CTNNA3: variants seen among roughly 807,000 people sequenced by gnomAD.
CTNNA3 encodes catenin alpha 3, also known as catenin alpha-3.
A neutral mutation model predicts 95.7 loss-of-function variants in CTNNA3; 76 were observed. The observed-to-expected ratio is 0.79, with a 90% CI of 0.66 to 0.96. CTNNA3 has a LOEUF of 0.96. CTNNA3 is among the 40% of genes least tolerant of loss of function. CTNNA3 has a pLI of 0.00. For missense variants in CTNNA3, 1,191 were observed against 1,089.8 expected (o/e 1.09, Z -1.31); for synonymous variants, 431 against 374.4 (o/e 1.15, Z -1.74).
At chr10:66,617,932 G>C (rs1293571993) in intron 10 of CTNNA3, among the ~76,000 whole-genome samples, 3 of 151,490 alleles carry the variant, frequency 2.0e-5, no homozygotes, top group African/African-American at 7.3e-5. Flanking sequence ...CAAACAGAGA[G>C]CCAAATCATG....
At chr10:66,173,487 C>A (rs1442331534) in intron 13 of CTNNA3, among the ~76,000 whole-genome samples, 1 of 151,830 alleles carries the variant, frequency 6.6e-6, no homozygotes, top group African/African-American at 2.4e-5. Context: ...GAGTTTGAGA[C>A]CAGCCTGGGC....
At chr10:67,445,018 G>GA (rs913898767) in intron 5 of CTNNA3, among the ~76,000 whole-genome samples, 14 of 149,634 alleles carry the variant, frequency 9.4e-5, no homozygotes, top group Middle Eastern at 3.4e-3. Context: ...AAATAATCAG[G>GA]AAAAAAAAAC....
At chr10:67,055,834 C>T (rs1855395972) in intron 7 of CTNNA3, among the ~76,000 whole-genome samples, 1 of 152,068 alleles carries the variant, frequency 6.6e-6, no homozygotes. Flanking sequence ...CTCCATATCC[C>T]TAATGATAAG....
At chr10:66,752,094 G>A (rs1042356390) in intron 9 of CTNNA3, among the ~76,000 whole-genome samples, 1 of 152,064 alleles carries the variant, frequency 6.6e-6, no homozygotes, top group East Asian at 1.9e-4. Flanking sequence ...GTACTGATAG[G>A]CTTATACTAA....
chr10:67,065,441 T>C (rs2133233855), intron 7 of CTNNA3, among the ~76,000 whole-genome samples: 1 of 152,296 alleles, frequency 6.6e-6, no homozygotes, highest in East Asian at 1.9e-4. Flanking sequence ...TATTCTAATC[T>C]TGTGACAGAG....
At chr10:66,002,339 T>C (rs1189899486) in intron 15 of CTNNA3, among the ~76,000 whole-genome samples, 1 of 152,142 alleles carries the variant, frequency 6.6e-6, no homozygotes, top group African/African-American at 2.4e-5. Flanking sequence ...CCTTGGAAAA[T>C]CAGCTAATGA....
chr10:67,726,481 TTATATCATATAC>T, intron 1 of CTNNA3, among the ~76,000 whole-genome samples: 1 of 66,762 alleles, frequency 1.5e-5, no homozygotes, highest in South Asian at 5.4e-4. Context: ...ATATTATATA[TTATATCATATAC>T]AATATATAAT....
chr10:66,042,667 AG>A (rs1405570178), intron 15 of CTNNA3, among the ~76,000 whole-genome samples: 1 of 152,000 alleles, frequency 6.6e-6, no homozygotes, highest in Non-Finnish European at 1.5e-5. Context: ...TGGGAGGCCG[AG>A]GCGGGTGGAT....
intron 3 of CTNNA3, among the ~76,000 whole-genome samples, chr10:67,578,999 A>G (rs1210929470): frequency 3.8e-5 from 2 of 52,790 alleles, no homozygotes; most frequent in Non-Finnish European, 5.7e-5. Context: ...TCATAGTGAT[A>G]TATATATATA....
intron 7 of CTNNA3, among the ~76,000 whole-genome samples, chr10:67,017,624 C>A (rs1418507554): frequency 6.6e-6 from 1 of 151,786 alleles, no homozygotes; most frequent in Admixed American, 6.6e-5. Context: ...AGCCATAGTT[C>A]TAATGTTTGG....
intron 13 of CTNNA3, among the ~76,000 whole-genome samples, chr10:66,233,676 T>C (rs1240407615): frequency 6.6e-6 from 1 of 152,118 alleles, no homozygotes; most frequent in East Asian, 1.9e-4. Flanking sequence ...TTGGCCAAAA[T>C]GTGGACCAAC....
chr10:67,324,242 G>A (rs1214513650), intron 5 of CTNNA3, among the ~76,000 whole-genome samples: 1 of 152,054 alleles, frequency 6.6e-6, no homozygotes, highest in Non-Finnish European at 1.5e-5. Context: ...TGATTGCCCT[G>A]GCCAGGACTT....
chr10:66,680,191 T>TTTTG lies in CTNNA3; in HGVS notation c.1282-58411_1282-58408dup, dbSNP rs749869689. Among the ~76,000 whole-genome samples the TTTTG allele has an allele frequency of 1.6e-3, 241 of 151,972 alleles. 4 individuals carry two copies. Among genetic ancestry groups the TTTTG allele is most frequent in the Non-Finnish European group, 1.0e-3 (68 of 67,956 alleles). On this transcript the variant is annotated intron_variant, in intron 9 of 17. Coordinates refer to ENST00000433211, the MANE Select transcript of CTNNA3 (RefSeq NM_013266.4). Reference sequence around the variant, plus strand: ...GTTTTTTTTTGTTTGTTTTTTGTTTTTTTGTTTGTTTGTTTGTTTTACTAG... The same window carrying TTTTG: ...GTTTTTTTTTGTTTGTTTTTTGTTTTTTTGTTTGTTTGTTTGTTTGTTTTACTAG...
At chr10:67,221,606 G>A (rs751874584) in intron 5 of CTNNA3, among the ~76,000 whole-genome samples, 1 of 151,862 alleles carries the variant, frequency 6.6e-6, no homozygotes, top group Non-Finnish European at 1.5e-5. Context: ...ACAGAGTCGC[G>A]CTCTGTCGCC....
chr10:66,428,228 T>A (rs4746588), intron 11 of CTNNA3, among the ~76,000 whole-genome samples: 58,093 of 151,956 alleles, frequency 0.38, 11,663 homozygotes, highest in African/African-American at 0.5. Flanking sequence ...ATGCACCATA[T>A]AAAGGAGCAC....
intron 7 of CTNNA3, among the ~76,000 whole-genome samples, chr10:66,876,022 G>C (rs948710101): frequency 6.6e-6 from 1 of 152,094 alleles, no homozygotes; most frequent in Non-Finnish European, 1.5e-5. Flanking sequence ...AAGAAAAATT[G>C]AGACCATGCC....
In CTNNA3 at chr10:67,160,732, G is replaced by A. The variant is rs150708621; in HGVS notation, c.1047+19585C>T. 1.4e-3 allele frequency among the ~76,000 whole-genome samples: 216 copies of A among 152,158 alleles called. 3 individuals are homozygous for A. Among genetic ancestry groups the A allele is most frequent in the African/African-American group, 4.5e-3 (188 of 41,530 alleles). On this transcript the variant is annotated intron_variant, in intron 7 of 17. Transcript: ENST00000433211. ...ATTACAGGTGTGAGCCACTGTGCTCGGCCTCACGGCATCATTATTTACAAT... is the reference window on the plus strand; with the variant it reads ...ATTACAGGTGTGAGCCACTGTGCTCAGCCTCACGGCATCATTATTTACAAT...
intron 7 of CTNNA3, among the ~76,000 whole-genome samples, chr10:67,117,270 A>C (rs759945015): frequency 2.0e-5 from 3 of 151,988 alleles, no homozygotes; most frequent in African/African-American, 7.2e-5. Context: ...TTAAAAAAAA[A>C]AACAACTATA....
intron 7 of CTNNA3, among the ~76,000 whole-genome samples, chr10:66,944,728 A>G (rs1290430537): frequency 1.3e-5 from 2 of 152,182 alleles, no homozygotes; most frequent in Non-Finnish European, 2.9e-5. Context: ...TATTTCTTAA[A>G]TAATACTCTT....
Sources: gnomAD v4.1 joint callset for allele counts (sites outside exome capture counted in the v4.1 genomes callset) on GRCh38, gnomAD v4.1.1 for gene constraint, MANE v1.5 for transcripts, NCBI Gene and HGNC (gene_info 2026-07-23, HGNC 2026-07-21) for gene names.